Variants in ADGRD2 observed in about 807,000 individuals in gnomAD.
ADGRD2 encodes the protein adhesion G protein-coupled receptor D2, also known as G protein-coupled receptor PGR24.
A neutral mutation model predicts 44.4 loss-of-function variants in ADGRD2; 71 were observed. The ratio of observed to expected loss-of-function variants is 1.60; its 90% confidence interval spans 1.32 to 1.95. ADGRD2 has a LOEUF of 1.95. Among genes scored for constraint, ADGRD2 ranks in the 30% most tolerant of loss-of-function variants. The probability of loss-of-function intolerance (pLI) is 0.00; values close to 1 mark genes in which losing one functional copy is unlikely to be tolerated. For synonymous variants in ADGRD2, 481 were observed against 224.8 expected (o/e 2.14, Z -10.19); for missense variants, 1,039 against 512.4 (o/e 2.03, Z -9.92).
exon 3 of ADGRD2, chr9:124,453,044 C>T: frequency 1.5e-6 from 1 of 666,618 alleles, no homozygotes; most frequent in Non-Finnish European, 2.7e-6. Flanking sequence ...GGTGCGCGCA[C>T]CACCGCCGTG....
intron 10 of ADGRD2, among the ~76,000 whole-genome samples, chr9:124,462,418 A>G (rs751448564): frequency 6.6e-6 from 1 of 152,174 alleles, no homozygotes; most frequent in Non-Finnish European, 1.5e-5. Flanking sequence ...TTGCATTTCC[A>G]TATAGATTTT....
At chr9:124,472,187 CCACCGTCG>C (rs1382843203) in intron 17 of ADGRD2, among the ~76,000 whole-genome samples, 1 of 146,440 alleles carries the variant, frequency 6.8e-6, no homozygotes, top group African/African-American at 2.8e-5. Context: ...TGGGGCAATG[CCACCGTCG>C]CACCGTCTCA....
At chr9:124,468,766 G>C in intron 14 of ADGRD2, 94 bp downstream of exon 17, 1 of 631,428 alleles carries the variant, frequency 1.6e-6, no homozygotes, top group South Asian at 1.8e-5. Context: ...CCAGCACTCA[G>C]CACCCAGCAC....
At chr9:124,468,173 T>A in exon 13 of ADGRD2, 2 of 718,422 alleles carry the variant, frequency 2.8e-6, no homozygotes, top group African/African-American at 1.7e-5. Flanking sequence ...GACCAGCGAG[T>A]GGGCCAAGGC....
intron 17 of ADGRD2, among the ~76,000 whole-genome samples, chr9:124,473,296 A>C (rs759371085): frequency 4.6e-5 from 7 of 152,212 alleles, no homozygotes; most frequent in Non-Finnish European, 1.0e-4. Flanking sequence ...CCTTCTGGCC[A>C]CTGTGCCGGG....
chr9:124,451,997 G>GCCCCCCCCCCCCCCCC, upstream of ADGRD2: 1 of 360,936 alleles, frequency 2.8e-6, no homozygotes, highest in Non-Finnish European at 5.5e-6. Flanking sequence ...TCCACTGAAT[G>GCCCCCCCCCCCCCCCC]CCCCCCTCCC....
exon 2 of ADGRD2, chr9:124,452,686 C>A (rs1442649476): frequency 4.2e-6 from 3 of 716,530 alleles, no homozygotes; most frequent in Non-Finnish European, 7.8e-6. Context: ...CTGGGTGGGC[C>A]AAAGAGAGGC....
rs202144883 is a variant in ADGRD2, at chr9:124,466,295, C to A, written c.1910C>A (p.Thr637Lys). The change falls in exon 11 of 22, where the codon ACA (threonine) becomes AAA (lysine). Residue 637 changes from threonine (T) to lysine (K), a missense_variant. By Grantham distance (78) the Thr-to-Lys change is moderately conservative (BLOSUM62 -1). Transcript: ENST00000334810. ...CCTCCCCATCCCCCAAGCCCATATACAGGGGGTGCCTGGGCCACCACAGGC... is the reference window on the plus strand; with the variant it reads ...CCTCCCCATCCCCCAAGCCCATATAAAGGGGGTGCCTGGGCCACCACAGGC... 691 of 713,772 alleles carry A rather than the reference C, an allele frequency of 9.7e-4. 5 individuals are homozygous for A. The highest frequency in any genetic ancestry group is 3.2e-3 in the Middle Eastern group (14 of 4,340). 44.2% of individuals were successfully genotyped at this position (713,772 alleles called of 1,614,324 possible).
rs745401799 is a variant in ADGRD2 at position 124,466,425 on chromosome 9, G to C, written c.2026+12G>C. Reference sequence around the variant, plus strand: ...TCTATGAAGTACAGGTGAGTGCACGGTGGGAGGGGGGTGTCAGGAGGGGGC... The same window carrying C: ...TCTATGAAGTACAGGTGAGTGCACGCTGGGAGGGGGGTGTCAGGAGGGGGC... On this transcript the variant is annotated intron_variant, in intron 11 of 21. Coordinates refer to ENST00000334810, the Ensembl canonical transcript of ADGRD2. 2.9e-5 allele frequency: 20 copies of C among 683,346 alleles called. 2 individuals carry two copies. The South Asian group carries it at 3.0e-4, about 10-fold the overall frequency. 42.3% of individuals were successfully genotyped at this position (683,346 alleles called of 1,614,324 possible).
At chr9:124,458,522 T>C in intron 9 of ADGRD2, 94 bp from the exon 13 acceptor site, 1 of 661,240 alleles carries the variant, frequency 1.5e-6, no homozygotes. Flanking sequence ...ACACAGAGGC[T>C]GCCACCTCCA....
At chr9:124,477,333 TGAGGGAG>T (rs1333112613) in intron 21 of ADGRD2, among the ~76,000 whole-genome samples, 1 of 152,174 alleles carries the variant, frequency 6.6e-6, no homozygotes, top group Non-Finnish European at 1.5e-5. Flanking sequence ...GCCGCCTCCC[TGAGGGAG>T]CACTCCATCT....
chr9:124,474,747 C>T (rs1233223824), intron 17 of ADGRD2, among the ~76,000 whole-genome samples: 1 of 152,220 alleles, frequency 6.6e-6, no homozygotes, highest in Non-Finnish European at 1.5e-5. Flanking sequence ...CTGCCCCCCA[C>T]CCACAGCTCC....
Position 124,467,405 on chromosome 9 carries a change from G to A in ADGRD2, c.2027-316G>A, listed in dbSNP as rs568738534. 2.7e-4 allele frequency: 67 copies of A among 243,942 alleles called. 2 individuals carry two copies. The highest frequency in any genetic ancestry group is 1.2e-4 in the African/African-American group (5 of 43,026). The allele number at this position is 243,942 out of a possible 1,614,324, so 15.1% of individuals were successfully genotyped here. The stretch of plus-strand genomic sequence containing the variant: ...CTTTTCCACATCATGAGTATCATCC[G>A]CAGCCCCATTCTGATGATACTCCAT... On this transcript the variant is annotated intron_variant, in intron 11 of 21. Transcript: ENST00000334810.
chr9:124,465,355 C>CT (rs57080759), intron 10 of ADGRD2: 81,679 of 142,716 alleles, frequency 0.57, 23,478 homozygotes, highest in South Asian at 0.66. Context: ...TTTCCAGGTT[C>CT]TTTTTTTTTT....
chr9:124,453,058 G>T (rs1166631523), exon 3 of ADGRD2: 2 of 676,494 alleles, frequency 3.0e-6, no homozygotes, highest in Non-Finnish European at 5.3e-6. Flanking sequence ...CGCCGTGCTG[G>T]TGTTCGACGA....
At chr9:124,453,864 G>GC (rs1240227330) in intron 3 of ADGRD2, 135 bp from the exon 7 acceptor site, 1 of 541,714 alleles carries the variant, frequency 1.8e-6, no homozygotes, top group East Asian at 3.5e-5. Flanking sequence ...TCGTCCCCCG[G>GC]CCCCCTTACC....
At chr9:124,458,812 C>A in intron 10 of ADGRD2, 91 bp downstream of exon 13, 1 of 662,850 alleles carries the variant, frequency 1.5e-6, no homozygotes, top group South Asian at 1.7e-5. Context: ...AATGGACAAC[C>A]AAGGCCTAAT....
chr9:124,452,694 G>T (rs1215710685), exon 2 of ADGRD2: 1 of 716,046 alleles, frequency 1.4e-6, no homozygotes, highest in African/African-American at 1.7e-5. Flanking sequence ...GCCAAAGAGA[G>T]GCCCCTCTGC....
exon 3 of ADGRD2, chr9:124,453,249 C>T (rs565607439): frequency 7.2e-6 from 4 of 554,892 alleles, no homozygotes; most frequent in Non-Finnish European, 1.2e-5. Context: ...CGGGGGGCGT[C>T]GTGCGCGCTG....
Sources: allele counts gnomAD v4.1 joint callset (sites outside exome capture counted in the v4.1 genomes callset), GRCh38; gene constraint gnomAD v4.1.1; transcripts MANE v1.5; gene names NCBI Gene and HGNC (gene_info 2026-07-23, HGNC 2026-07-21).